CDH20: variants seen among roughly 807,000 people sequenced by gnomAD.
CDH20 encodes cadherin 20.
Under a neutral mutation model 74.2 loss-of-function variants are expected in CDH20, and 29 were observed. The ratio of observed to expected loss-of-function variants is 0.39; its 90% CI spans 0.29 to 0.53. CDH20 has a LOEUF of 0.53. Ranked by LOEUF, CDH20 falls within the 20% of genes least tolerant of loss-of-function variation. CDH20 has a pLI of 0.69. For missense variants in CDH20, 988 were observed against 1,048.3 expected (o/e 0.94, Z 0.79); for synonymous variants, 469 against 405.4 (o/e 1.16, Z -1.88).
At chr18:61,500,102 T>TAAAAAAAAAAAAAAAAAAAA (rs534695760) in intron 3 of CDH20, among the ~76,000 whole-genome samples, 1 of 56,576 alleles carries the variant, frequency 1.8e-5, no homozygotes, top group Non-Finnish European at 3.7e-5. Flanking sequence ...GACTCCATCT[T>TAAAAAAAAAAAAAAAAAAAA]AAAAAAAAAA....
chr18:61,423,711 C>T (rs1912971618), intron 1 of CDH20, among the ~76,000 whole-genome samples: 1 of 152,064 alleles, frequency 6.6e-6, no homozygotes, highest in Admixed American at 6.6e-5. Flanking sequence ...AAAAAAATTG[C>T]TAAATTCAAA....
intron 1 of CDH20, among the ~76,000 whole-genome samples, chr18:61,439,529 ATGT>A (rs1298168914): frequency 1.3e-5 from 2 of 152,196 alleles, no homozygotes; most frequent in Non-Finnish European, 2.9e-5. Flanking sequence ...TCTGTGTAAC[ATGT>A]TGTGTACAAG....
At chr18:61,375,265 T>G (rs1911181251) in intron 1 of CDH20, among the ~76,000 whole-genome samples, 1 of 152,178 alleles carries the variant, frequency 6.6e-6, no homozygotes, top group Non-Finnish European at 1.5e-5. Flanking sequence ...AATTGAAGTA[T>G]TCACAGAAGT....
chr18:61,499,479 G>A lies in CDH20; in HGVS notation c.540G>A (p.Val180=). The change falls in exon 3 of 12, where the codon GTG becomes GTA. Residue 180 remains valine (V), a splice_region_variant and synonymous_variant. Transcript: ENST00000262717. The part of the protein sequence containing the change: ...YVATVPEMSP[V]GTSVIQVTAT... Reference sequence around the variant, plus strand: ...CCACTGTGCCAGAAATGTCCCCTGTGGGTAAGGTGGTGACTCGCTGATTTT... The same window carrying A: ...CCACTGTGCCAGAAATGTCCCCTGTAGGTAAGGTGGTGACTCGCTGATTTT... The A allele has an allele frequency of 6.3e-7, 1 of 1,597,534 alleles. No homozygotes were observed. The highest frequency in any genetic ancestry group is 8.5e-7 in the Non-Finnish European group (1 of 1,170,854).
chr18:61,474,809 G>A (rs945217766), intron 1 of CDH20, among the ~76,000 whole-genome samples: 2 of 152,148 alleles, frequency 1.3e-5, no homozygotes, highest in African/African-American at 4.8e-5. Flanking sequence ...GGGCACAGAA[G>A]ACAGGCCCGG....
At chr18:61,470,777 T>G (rs1183315015) in intron 1 of CDH20, among the ~76,000 whole-genome samples, 1 of 152,140 alleles carries the variant, frequency 6.6e-6, no homozygotes, top group Non-Finnish European at 1.5e-5. Flanking sequence ...AAATTATGCT[T>G]TTATTACAGA....
chr18:61,417,282 G>A (rs998088842), intron 1 of CDH20, among the ~76,000 whole-genome samples: 1 of 151,878 alleles, frequency 6.6e-6, no homozygotes, highest in Non-Finnish European at 1.5e-5. Context: ...TTAGAATTTT[G>A]GAATTTATAC....
intron 1 of CDH20, among the ~76,000 whole-genome samples, chr18:61,439,946 T>G (rs555277189): frequency 6.6e-6 from 1 of 152,302 alleles, no homozygotes; most frequent in South Asian, 2.1e-4. Flanking sequence ...ATATTAATTG[T>G]TACAGGTCTT....
intron 7 of CDH20, 79 bp downstream of exon 7, chr18:61,528,299 C>T: frequency 1.6e-5 from 23 of 1,433,632 alleles, no homozygotes; most frequent in Non-Finnish European, 2.2e-5. Flanking sequence ...GCACTTTTCC[C>T]TTTGTTTCTT....
rs986823227 is a variant in CDH20 at position 61,490,517 on chromosome 18, A to G, written c.-37A>G. On this transcript the variant is annotated 5_prime_UTR_variant, in exon 2 of 12. Transcript: ENST00000262717. ...GAAAATACTCAAGTTCCAGTTGCTT[A>G]TCATTCTCCTTCATTTTCTGAAAAC... is the stretch of plus-strand genomic sequence containing the variant. 1.3e-6 allele frequency: 2 copies of G among 1,599,236 alleles called. No homozygotes were observed. The highest frequency in any genetic ancestry group is 1.7e-6 in the Non-Finnish European group (2 of 1,168,668).
At chr18:61,406,637 C>G (rs1327268239) in intron 1 of CDH20, among the ~76,000 whole-genome samples, 1 of 152,218 alleles carries the variant, frequency 6.6e-6, no homozygotes, top group Non-Finnish European at 1.5e-5. Flanking sequence ...GGGTGGCTTC[C>G]TTAGACAGGG....
At chr18:61,503,182 G>T (rs1911446455) in intron 5 of CDH20, 62 bp downstream of exon 5, 1 of 1,313,004 alleles carries the variant, frequency 7.6e-7, no homozygotes, top group Non-Finnish European at 1.0e-6. Context: ...CGTTGCAGAG[G>T]TGCGGGAGAA....
chr18:61,359,282 A>G (rs1224603030), intron 1 of CDH20, among the ~76,000 whole-genome samples: 1 of 152,124 alleles, frequency 6.6e-6, no homozygotes, highest in Non-Finnish European at 1.5e-5. Flanking sequence ...CAAAGATTTA[A>G]CATTTATTAT....
At chr18:61,391,285 C>G (rs536318567) in intron 1 of CDH20, among the ~76,000 whole-genome samples, 1 of 152,018 alleles carries the variant, frequency 6.6e-6, no homozygotes, top group Non-Finnish European at 1.5e-5. Context: ...TACCTATTAG[C>G]CAGCTAAAAT....
intron 1 of CDH20, among the ~76,000 whole-genome samples, chr18:61,373,885 C>T (rs981642513): frequency 2.6e-5 from 4 of 152,100 alleles, no homozygotes; most frequent in Admixed American, 2.6e-4. Flanking sequence ...AAACAAGTTC[C>T]TCAAAGACAA....
intron 1 of CDH20, among the ~76,000 whole-genome samples, chr18:61,364,342 C>T (rs573991579): frequency 8.6e-5 from 13 of 150,756 alleles, no homozygotes; most frequent in Non-Finnish European, 1.3e-4. Flanking sequence ...GACCGAGTTT[C>T]GTTCTTGTTG....
intron 1 of CDH20, among the ~76,000 whole-genome samples, chr18:61,392,603 A>G (rs1230319246): frequency 6.6e-6 from 1 of 152,156 alleles, no homozygotes; most frequent in Non-Finnish European, 1.5e-5. Flanking sequence ...CACAAGGACC[A>G]TGTCTCTTTT....
rs181918640 is a variant in CDH20 at position 61,339,203 on chromosome 18, C to G, written c.-153+5376C>G. On this transcript the variant is annotated intron_variant, in intron 1 of 11. Coordinates refer to ENST00000262717, the MANE Select transcript of CDH20 (RefSeq NM_031891.4). ...TACCTAACTCTTAAATGTGCGTATG[C>G]ATATATGTTGTTAAAATGTACAATA... Among the ~76,000 whole-genome samples the G allele has an allele frequency of 4.6e-5, 7 of 152,024 alleles. No individual in the cohort carries two copies. The East Asian group carries it at 1.4e-3, about 29-fold the overall frequency.
intron 6 of CDH20, among the ~76,000 whole-genome samples, chr18:61,513,746 C>T (rs948698557): frequency 1.3e-5 from 2 of 152,136 alleles, no homozygotes; most frequent in Non-Finnish European, 2.9e-5. Flanking sequence ...TTTTATTTCT[C>T]CTTCACTTAT....
Sources: allele counts gnomAD v4.1 joint callset (sites outside exome capture counted in the v4.1 genomes callset), GRCh38; gene constraint gnomAD v4.1.1; transcripts MANE v1.5; gene names NCBI Gene and HGNC (gene_info 2026-07-23, HGNC 2026-07-21).